The following CFAP65 variants were observed in gnomAD, a reference collection of about 807,000 sequenced individuals.
CFAP65 encodes cilia and flagella associated protein 65, also known as cilia- and flagella-associated protein 65.
A neutral mutation model predicts 208.0 loss-of-function variants in CFAP65; 155 were observed. That is an observed-to-expected ratio of 0.75 (90% CI 0.65 to 0.85). The LOEUF is 0.85. CFAP65 is among the 40% of genes least tolerant of loss of function. The probability of loss-of-function intolerance (pLI) is 0.00; values close to 1 mark genes in which losing one functional copy is unlikely to be tolerated. For missense variants in CFAP65, 2,294 were observed against 2,451.3 expected, an observed-to-expected ratio of 0.94 and a Z score of 1.36; for synonymous variants, 970 against 986.3, an observed-to-expected ratio of 0.98 and a Z score of 0.31.
chr2:219,002,917 G>A lies in CFAP65; in HGVS notation c.*20C>T. ...AGGCGTGACCCCTAGCGGCATGTCG[G>A]AGAGGCTGGGCGCGGGCATTTACGG... On this transcript the variant is annotated 3_prime_UTR_variant, in exon 35 of 35. Coordinates refer to ENST00000341552, the MANE Select transcript of CFAP65 (RefSeq NM_194302.4). This position sits in a 1 kb window ranked among gnomAD's most constrained non-coding sequence, Gnocchi z 7.9. The A allele has an allele frequency of 8.3e-6, 13 of 1,558,564 alleles. No homozygotes were observed. Among genetic ancestry groups the A allele is most frequent in the Non-Finnish European group, 1.1e-5 (13 of 1,149,658 alleles).
chr2:219,006,460 C>T lies in CFAP65; in HGVS notation c.4719+5G>A, dbSNP rs766282673. On this transcript the variant is annotated splice_donor_5th_base_variant and intron_variant, in intron 30 of 34. Transcript: ENST00000341552. The stretch of plus-strand genomic sequence containing the variant: ...AGAAGATGGGCCTGGGGCTCGCCGC[C>T]TCACCTTGTACTTCCTCGCAGGTTC... 23 of 1,613,616 alleles carry T rather than the reference C, an allele frequency of 1.4e-5. No homozygotes were observed. In the Middle Eastern group the frequency reaches 6.6e-4, roughly 46 times the overall value.
intron 9 of CFAP65, 112 bp downstream of exon 9, chr2:219,030,577 G>T: frequency 1.4e-6 from 2 of 1,406,542 alleles, no homozygotes; most frequent in Non-Finnish European, 2.0e-6. Context: ...GTTACATGAG[G>T]CTTGGGGCCA....
chr2:219,013,717 G>T, intron 22 of CFAP65, 132 bp from the exon 23 acceptor site: 1 of 1,160,442 alleles, frequency 8.6e-7, no homozygotes, highest in Non-Finnish European at 1.3e-6. Flanking sequence ...AGTTGGGATG[G>T]GGCAAGAAGG....
chr2:219,026,249 C>G (rs895260726), intron 13 of CFAP65, 90 bp from the exon 14 acceptor site: 2 of 1,414,976 alleles, frequency 1.4e-6, no homozygotes, highest in Non-Finnish European at 1.9e-6. Context: ...CCTTGTGCTG[C>G]AGGAGTCTGA....
chr2:219,037,846 A>C (rs917063317), intron 4 of CFAP65, among the ~76,000 whole-genome samples: 9 of 152,204 alleles, frequency 5.9e-5, no homozygotes, highest in African/African-American at 2.2e-4. Context: ...TCATACACAA[A>C]GCCATACCCA....
chr2:219,014,697 G>A (rs1022577065), intron 21 of CFAP65: 4 of 152,626 alleles, frequency 2.6e-5, no homozygotes, highest in African/African-American at 7.2e-5. Context: ...TGGAGGATAC[G>A]ATAGGGAGCA....
At chr2:219,008,866 C>A (rs1375897554) in intron 29 of CFAP65, among the ~76,000 whole-genome samples, 181 bp downstream of exon 29, 4 of 152,214 alleles carry the variant, frequency 2.6e-5, no homozygotes, top group African/African-American at 9.7e-5. Context: ...CCTTCTCTAC[C>A]CAGAGAGCCT....
chr2:219,037,010 G>T (rs145384029), intron 4 of CFAP65, among the ~76,000 whole-genome samples: 84 of 152,276 alleles, frequency 5.5e-4, no homozygotes, highest in Non-Finnish European at 1.1e-3. Context: ...TGACATGCAT[G>T]ATGGGAGGTA....
At chr2:219,024,923 G>A (rs540532619) in intron 14 of CFAP65, among the ~76,000 whole-genome samples, 8 of 152,290 alleles carry the variant, frequency 5.3e-5, no homozygotes, top group East Asian at 1.9e-4. Context: ...GTGACAGAGC[G>A]AAATTCTATA....
At chr2:219,039,755 A>G (rs1948565561) in intron 2 of CFAP65, among the ~76,000 whole-genome samples, 1 of 152,210 alleles carries the variant, frequency 6.6e-6, no homozygotes, top group African/African-American at 2.4e-5. Context: ...AAGACTTTGA[A>G]ATCTGGTGTG....
rs1449707015 is a variant in CFAP65 at position 219,019,525 on chromosome 2, T to C, written c.3454A>G (p.Lys1152Glu). The C allele has an allele frequency of 1.2e-6, 2 of 1,612,498 alleles. No homozygotes were observed. The highest frequency in any genetic ancestry group is 1.7e-6 in the Non-Finnish European group (2 of 1,179,906). ...RDPTPCELTY[K>E]VPTRHSMSQI... ...GCTCACCTGTGCCGGGTGGGCACCT[T>C]GTAGGTGAGCTCACAGGGGGTGGGG... Residue 1152 changes from lysine to glutamate, a missense_variant, in exon 20 of 35, where the codon AAG (lysine) becomes GAG (glutamate). Lys to Glu is a moderately conservative substitution (Grantham distance 56). Transcript: ENST00000341552.
rs766932811 is a variant in CFAP65, at chr2:219,030,795, C to G, written c.1055G>C (p.Cys352Ser). 5 of 1,614,048 alleles carry G rather than the reference C, an allele frequency of 3.1e-6. No individual in the cohort carries two copies. The East Asian group carries it at 1.1e-4, about 36-fold the overall frequency. ...AQLLVSIKHK[C>S]PEDQDAEGFQ... is the part of the protein sequence containing the mutation. ...GCCCTCGGCATCCTGGTCCTCCGGG[C>G]ACTTGTGCTTTATGCTCACCAGCAG... The change falls in exon 9 of 35, where the codon TGC (cysteine) becomes TCC (serine). Residue 352 changes from cysteine to serine, a missense_variant. Physicochemically the swap from Cys to Ser is moderately radical, Grantham distance 112. This residue lies in a region of CFAP65 where 867 missense variants were observed against 1,012.6 expected (regional missense o/e 0.86). Transcript: ENST00000341552.
chr2:219,035,184 C>T (rs1948279743), intron 5 of CFAP65: 2 of 761,070 alleles, frequency 2.6e-6, no homozygotes, highest in East Asian at 2.8e-5. Flanking sequence ...AACTCTTGTA[C>T]TTATGTAACT....
chr2:219,006,392 A>T (rs945552544), intron 30 of CFAP65, 73 bp downstream of exon 30: 7 of 1,572,038 alleles, frequency 4.5e-6, no homozygotes, highest in Non-Finnish European at 6.1e-6. Flanking sequence ...CAGGGGTTGG[A>T]GGTCTCTCTG....
chr2:219,018,323 A>G (rs1021209106), intron 21 of CFAP65: 2 of 152,264 alleles, frequency 1.3e-5, no homozygotes, highest in Non-Finnish European at 2.9e-5. Flanking sequence ...AAGTCCATGC[A>G]TGGAAGCAGG....
At chr2:219,020,743 A>T (rs1947214251) in intron 19 of CFAP65, among the ~76,000 whole-genome samples, 1 of 152,234 alleles carries the variant, frequency 6.6e-6, no homozygotes, top group East Asian at 1.9e-4. Context: ...CGTTAAGGTT[A>T]CAAGTGCTGG....
In CFAP65 at chr2:219,013,854, G is replaced by T; in HGVS notation, c.3779+14C>A. 3 of 1,574,634 alleles carry T rather than the reference G, an allele frequency of 1.9e-6. No individual in the cohort carries two copies. The highest frequency in any genetic ancestry group is 1.7e-6 in the Non-Finnish European group (2 of 1,159,380). On this transcript the variant is annotated intron_variant, in intron 22 of 34. Coordinates refer to ENST00000341552, the MANE Select transcript of CFAP65 (RefSeq NM_194302.4). ...ATGACTGGAAGTGCAGGGGGTTTGG[G>T]GGGTGGGGAACACCTGTATTTTAAC...
In CFAP65 at chr2:219,003,590, G is replaced by A. The variant is rs1032469238; in HGVS notation, c.5556-318C>T. 1.2e-4 allele frequency among the ~76,000 whole-genome samples: 18 copies of A among 152,276 alleles called. No homozygotes were observed. Among genetic ancestry groups the A allele is most frequent in the African/African-American group, 4.3e-4 (18 of 41,560 alleles). On this transcript the variant is annotated intron_variant, in intron 33 of 34. Coordinates refer to ENST00000341552, the MANE Select transcript of CFAP65 (RefSeq NM_194302.4). This position sits in a 1 kb window ranked among gnomAD's most constrained non-coding sequence, Gnocchi z 4.4. ...CGCAGAAGGGACTGGGTGGGGCCTA[G>A]GGAATCCCTACAATGACATAAATCA...
In CFAP65 at chr2:219,003,315, C is replaced by G; in HGVS notation, c.5556-43G>C. The G allele has an allele frequency of 6.8e-7, 1 of 1,480,004 alleles. No individual in the cohort carries two copies. The highest frequency in any genetic ancestry group is 9.0e-7 in the Non-Finnish European group (1 of 1,114,246). The allele number at this position is 1,480,004 out of a possible 1,614,324, so 91.7% of individuals were successfully genotyped here. On this transcript the variant is annotated intron_variant, in intron 33 of 34. Transcript: ENST00000341552. This position sits in a 1 kb window ranked among gnomAD's most constrained non-coding sequence, Gnocchi z 4.4. The stretch of plus-strand genomic sequence containing the variant: ...CTAGCATGAGGGCGGCCGCAGTGCC[C>G]GCGCGCCTCCTCGCTCGCCTGTCCG...
Sources: gnomAD v4.1 joint callset for allele counts (sites outside exome capture counted in the v4.1 genomes callset) on GRCh38, gnomAD v4.1.1 for gene constraint, gnomAD v4.1.1 regional missense constraint, Gnocchi (gnomAD v3.1) non-coding constraint, MANE v1.5 for transcripts, NCBI Gene and HGNC (gene_info 2026-07-23, HGNC 2026-07-21) for gene names.